The following ALG14 variants were observed in gnomAD, a reference collection of about 807,000 sequenced individuals.
The protein encoded by ALG14 is ALG14 UDP-N-acetylglucosaminyltransferase subunit, also known as UDP-N-acetylglucosamine transferase subunit ALG14.
Under a neutral mutation model 22.8 loss-of-function variants are expected in ALG14, and 17 were observed. The observed-to-expected ratio is 0.75, with a 90% confidence interval of 0.51 to 1.12. ALG14 has a LOEUF of 1.12. Among genes scored for constraint, ALG14 ranks in the 50% most tolerant of loss-of-function variants. ALG14 has a pLI of 0.00. For synonymous variants in ALG14, 89 were observed against 103.7 expected (o/e 0.86, Z 0.86); for missense variants, 288 against 271.8 (o/e 1.06, Z -0.42).
At chr1:95,067,782 G>A (rs189254943) in intron 1 of ALG14, among the ~76,000 whole-genome samples, 2 of 152,128 alleles carry the variant, frequency 1.3e-5, no homozygotes, top group East Asian at 3.9e-4. Flanking sequence ...GACCCTATTC[G>A]AGTTGATCAA....
At chr1:95,027,340 A>G in intron 2 of ALG14, 80 bp from the exon 3 acceptor site, 1 of 1,504,298 alleles carries the variant, frequency 6.6e-7, no homozygotes, top group East Asian at 2.3e-5. Context: ...ACAGCTGTAG[A>G]AACAGAAATG....
At chr1:95,044,586 A>G (rs74102002) in intron 2 of ALG14, among the ~76,000 whole-genome samples, 7,079 of 152,096 alleles carry the variant, frequency 0.047, 222 homozygotes, top group South Asian at 0.083. Flanking sequence ...AGGAGTCCCC[A>G]TCGCCTTCAA....
At chr1:95,033,201 C>G (rs1174822745) in intron 2 of ALG14, among the ~76,000 whole-genome samples, 3 of 151,930 alleles carry the variant, frequency 2.0e-5, no homozygotes, top group Non-Finnish European at 4.4e-5. Flanking sequence ...CCTGCTCCAT[C>G]ATTTTACCAC....
At chr1:95,049,814 T>A (rs1233033124) in intron 2 of ALG14, among the ~76,000 whole-genome samples, 1 of 151,880 alleles carries the variant, frequency 6.6e-6, no homozygotes, top group Admixed American at 6.6e-5. Context: ...GAGGCTGCAG[T>A]GAGCCATGAT....
At position 95,056,785 on chromosome 1, in the gene ALG14, G is replaced by A. The variant is rs955189837; in HGVS notation, c.288+8081C>T. Among the ~76,000 whole-genome samples, 15 of 150,880 alleles carry A rather than the reference G, an allele frequency of 9.9e-5. 1 individual carries two copies. In the East Asian group the frequency reaches 1.2e-3, roughly 12 times the overall value. ...TAAAATCTAAAACTTCTGGCTGGGC[G>A]TGGTGGCTCACGCCTGTAATCCCAG... On this transcript the variant is annotated intron_variant, in intron 2 of 3. Transcript: ENST00000370205.
intron 2 of ALG14, among the ~76,000 whole-genome samples, chr1:95,036,419 C>CTTTT (rs35068075): frequency 1.3e-4 from 9 of 71,886 alleles, no homozygotes; most frequent in Admixed American, 1.8e-4. Flanking sequence ...AATTAAACCT[C>CTTTT]TTTTTTTTTT....
At chr1:95,058,284 GAAA>G (rs56748968) in intron 2 of ALG14, among the ~76,000 whole-genome samples, 4 of 20,510 alleles carry the variant, frequency 2.0e-4, no homozygotes, top group African/African-American at 2.9e-4. Context: ...GACTCCATCT[GAAA>G]AAAAAAAAAA....
At chr1:95,018,706 C>T (rs1673577080) in intron 3 of ALG14, among the ~76,000 whole-genome samples, 1 of 152,160 alleles carries the variant, frequency 6.6e-6, no homozygotes, top group Admixed American at 6.6e-5. Flanking sequence ...CTCCCAACCT[C>T]CAGCCCCTCC....
chr1:95,044,327 C>G (rs772962854), intron 2 of ALG14, among the ~76,000 whole-genome samples: 6 of 152,148 alleles, frequency 3.9e-5, no homozygotes, highest in Admixed American at 1.3e-4. Context: ...GATTGTGTCA[C>G]TCCTCCAAGC....
chr1:95,043,022 T>C (rs1190757532), intron 2 of ALG14, among the ~76,000 whole-genome samples: 1 of 152,206 alleles, frequency 6.6e-6, no homozygotes, highest in Non-Finnish European at 1.5e-5. Context: ...TGAATTTTTA[T>C]TGCTGAAATC....
At chr1:94,990,855 T>C (rs1320132954) in intron 3 of ALG14, among the ~76,000 whole-genome samples, 3 of 152,240 alleles carry the variant, frequency 2.0e-5, no homozygotes, top group African/African-American at 7.2e-5. Context: ...AAAAAATAAC[T>C]GAGAAGAACA....
chr1:95,019,263 C>G (rs1049460162), intron 3 of ALG14, among the ~76,000 whole-genome samples: 1 of 152,122 alleles, frequency 6.6e-6, no homozygotes, highest in Admixed American at 6.6e-5. Context: ...ATCTGGTATT[C>G]ACATTTCTTA....
At chr1:94,999,172 A>T (rs111592810) in intron 3 of ALG14, among the ~76,000 whole-genome samples, 1 of 152,212 alleles carries the variant, frequency 6.6e-6, no homozygotes, top group Non-Finnish European at 1.5e-5. Context: ...CAGACTACAA[A>T]GAGAGAGCTT....
chr1:94,996,194 A>G (rs891696648), intron 3 of ALG14, among the ~76,000 whole-genome samples: 13 of 151,624 alleles, frequency 8.6e-5, no homozygotes, highest in African/African-American at 3.2e-4. Context: ...GATTCTTTCT[A>G]AATCAGAATC....
At chr1:95,040,247 T>C (rs1032551931) in intron 2 of ALG14, among the ~76,000 whole-genome samples, 1 of 152,068 alleles carries the variant, frequency 6.6e-6, no homozygotes, top group Non-Finnish European at 1.5e-5. Flanking sequence ...TATTTCACAG[T>C]AGAAGACTAA....
rs115821988 is a variant in ALG14 at position 95,021,171 on chromosome 1, T to A, written c.420+5958A>T. Among the ~76,000 whole-genome samples, 145 of 152,348 alleles carry A rather than the reference T, an allele frequency of 9.5e-4. 2 individuals are homozygous for A. The highest frequency in any genetic ancestry group is 6.8e-3 in the Middle Eastern group (2 of 294). On this transcript the variant is annotated intron_variant, in intron 3 of 3. Transcript: ENST00000370205. Reference sequence around the variant, plus strand: ...TACTTTTTCCAGCCCACCTAAAGGCTGTAAATGGTCATCATCAGGTTTTAA... The same window carrying A: ...TACTTTTTCCAGCCCACCTAAAGGCAGTAAATGGTCATCATCAGGTTTTAA...
intron 3 of ALG14, among the ~76,000 whole-genome samples, chr1:94,995,729 T>G (rs1217120461): frequency 6.6e-6 from 1 of 152,058 alleles, no homozygotes; most frequent in Non-Finnish European, 1.5e-5. Context: ...ATGTATATAT[T>G]TTGGAGCCAA....
intron 2 of ALG14, among the ~76,000 whole-genome samples, chr1:95,059,969 C>G (rs568041715): frequency 1.3e-5 from 2 of 152,060 alleles, no homozygotes; most frequent in Non-Finnish European, 1.5e-5. Flanking sequence ...TTTTCCTAGT[C>G]TGGTGAGCTC....
At chr1:94,983,499 G>T in intron 3 of ALG14, 193 bp from the exon 4 acceptor site, 1 of 577,786 alleles carries the variant, frequency 1.7e-6, no homozygotes, top group Non-Finnish European at 3.1e-6. Flanking sequence ...GAGCTGTGTT[G>T]TCTTGGCTCT....
Sources: gnomAD v4.1 joint callset for allele counts (sites outside exome capture counted in the v4.1 genomes callset) on GRCh38, gnomAD v4.1.1 for gene constraint, MANE v1.5 for transcripts, NCBI Gene and HGNC (gene_info 2026-07-23, HGNC 2026-07-21) for gene names.